Variants in PDK1 observed in about 807,000 individuals in gnomAD.
PDK1 encodes pyruvate dehydrogenase kinase 1, also known as [Pyruvate dehydrogenase (acetyl-transferring)] kinase isozyme 1, mitochondrial.
In PDK1, 39 loss-of-function variants were observed where a neutral mutation model predicts 54.2. The observed-to-expected ratio is 0.72, with a 90% CI of 0.56 to 0.94. PDK1 has a LOEUF of 0.94. PDK1 is among the 40% of genes least tolerant of loss of function. The probability of loss-of-function intolerance (pLI) is 0.00; values close to 1 mark genes in which losing one functional copy is unlikely to be tolerated. For synonymous variants in PDK1, 221 were observed against 207.1 expected (o/e 1.07, Z -0.58); for missense variants, 552 against 566.0 (o/e 0.98, Z 0.25).
the PDK1 span, among the ~76,000 whole-genome samples, chr2:172,710,566 T>G: frequency 2.6e-5 from 4 of 152,260 alleles, no homozygotes; most frequent in East Asian, 1.9e-4. Context: ...TTATGAAGAT[T>G]GCTTTGCATG....
intron 8 of PDK1, among the ~76,000 whole-genome samples, chr2:172,580,327 CAAGAA>C (rs1689835890): frequency 6.7e-6 from 1 of 150,150 alleles, no homozygotes; most frequent in Non-Finnish European, 1.5e-5. Context: ...GGTTTACAGT[CAAGAA>C]AAGACCCATT....
the PDK1 span, among the ~76,000 whole-genome samples, chr2:172,618,905 G>C: frequency 6.6e-6 from 1 of 152,152 alleles, no homozygotes; most frequent in Admixed American, 6.6e-5. Flanking sequence ...GCATCAGTGA[G>C]TACTGGGAAG....
chr2:172,679,262 A>G, the PDK1 span, among the ~76,000 whole-genome samples: 1 of 152,190 alleles, frequency 6.6e-6, no homozygotes, highest in Non-Finnish European at 1.5e-5. Context: ...CCTGGGCAAC[A>G]TAGTGAGACC....
At chr2:172,612,320 A>G (rs1232684238), downstream of PDK1, among the ~76,000 whole-genome samples, 1 of 152,260 alleles carries the variant, frequency 6.6e-6, no homozygotes, top group East Asian at 1.9e-4. Flanking sequence ...CTGAGTTAAT[A>G]TTGTTTAGAC....
At chr2:172,561,119 G>A (rs1413135830) in intron 2 of PDK1, among the ~76,000 whole-genome samples, 2 of 152,132 alleles carry the variant, frequency 1.3e-5, no homozygotes, top group African/African-American at 4.8e-5. Context: ...ATTATGATGG[G>A]ATATAATGGA....
the PDK1 span, among the ~76,000 whole-genome samples, chr2:172,637,244 G>A: frequency 1.3e-5 from 2 of 152,140 alleles, no homozygotes; most frequent in Admixed American, 6.5e-5. Flanking sequence ...GCTCCCTGAC[G>A]CTGGCAGTTT....
At chr2:172,690,616 G>C in the PDK1 span, among the ~76,000 whole-genome samples, 1 of 150,124 alleles carries the variant, frequency 6.7e-6, no homozygotes, top group East Asian at 2.1e-4. Context: ...GTCCATCAAT[G>C]ATAGACTGGA....
At chr2:172,717,031 A>C in the PDK1 span, among the ~76,000 whole-genome samples, 1 of 152,228 alleles carries the variant, frequency 6.6e-6, no homozygotes, top group African/African-American at 2.4e-5. Context: ...ACAGCCTCCA[A>C]GATGGCACCC....
the PDK1 span, among the ~76,000 whole-genome samples, chr2:172,671,909 A>C: frequency 3.9e-5 from 6 of 152,308 alleles, no homozygotes; most frequent in Non-Finnish European, 8.8e-5. Context: ...AAAAATTTGG[A>C]GAAAGATGAA....
intron 8 of PDK1, among the ~76,000 whole-genome samples, chr2:172,571,823 CTT>C (rs36031428): frequency 4.2e-3 from 420 of 99,612 alleles, no homozygotes; most frequent in African/African-American, 0.016. Context: ...TCTTTCTTTA[CTT>C]TTTTTTTTTT....
At chr2:172,713,181 G>T in the PDK1 span, among the ~76,000 whole-genome samples, 3 of 152,346 alleles carry the variant, frequency 2.0e-5, no homozygotes, top group African/African-American at 7.2e-5. Context: ...GGGTAGCTCC[G>T]CTCTGCAGGG....
chr2:172,595,975 C>T lies in PDK1; in HGVS notation c.*6C>T, dbSNP rs756687356. On this transcript the variant is annotated 3_prime_UTR_variant, in exon 11 of 11. Coordinates refer to ENST00000282077, the MANE Select transcript of PDK1 (RefSeq NM_002610.5). ...CGACGTTCCGCAGTGCCTAGACACA[C>T]TTGGGACATCGGAAAATCCAAATGT... is the stretch of plus-strand genomic sequence containing the variant. 6.2e-7 allele frequency: 1 copy of T among 1,602,912 alleles called. No homozygotes were observed. Among genetic ancestry groups the T allele is most frequent in the Non-Finnish European group, 8.5e-7 (1 of 1,173,184 alleles).
chr2:172,655,118 C>T, the PDK1 span, among the ~76,000 whole-genome samples: 3 of 152,282 alleles, frequency 2.0e-5, no homozygotes, highest in South Asian at 6.2e-4. Context: ...TTGGAGCTCC[C>T]CCGCTATCCA....
In PDK1 at chr2:172,607,377, T is replaced by C. The variant is rs983897723; in HGVS notation, c.*11408T>C. The C allele has an allele frequency of 2.0e-5, 3 of 152,236 alleles. No homozygotes were observed. The highest frequency in any genetic ancestry group is 7.2e-5 in the African/African-American group (3 of 41,472). The allele number at this position is 152,236 out of a possible 1,614,324, so 9.4% of individuals were successfully genotyped here. A position where few individuals can be genotyped will look rare whatever the true frequency, so the allele number is the denominator to read the frequency against. ...AAAATATAATTGGCTAAGTTTCATA[T>C]ACAGTTCTTTCTAAAACTCCTTCTG... is the stretch of plus-strand genomic sequence containing the variant. On this transcript the variant is annotated 3_prime_UTR_variant, in exon 11 of 11. Transcript: ENST00000282077.
chr2:172,695,542 T>C, the PDK1 span, among the ~76,000 whole-genome samples: 4 of 152,166 alleles, frequency 2.6e-5, no homozygotes, highest in African/African-American at 9.7e-5. Context: ...CAAACCTTTA[T>C]GTAAGCCCCT....
At chr2:172,572,271 T>G (rs979967583) in intron 8 of PDK1, among the ~76,000 whole-genome samples, 1 of 152,202 alleles carries the variant, frequency 6.6e-6, no homozygotes, top group Non-Finnish European at 1.5e-5. Context: ...AATATTTAAG[T>G]TTGTATATGA....
chr2:172,587,659 T>C (rs925834784), intron 9 of PDK1, among the ~76,000 whole-genome samples: 5 of 149,588 alleles, frequency 3.3e-5, no homozygotes, highest in Non-Finnish European at 6.0e-5. Context: ...TTGCCGCTGC[T>C]GGCTGTGGGG....
the PDK1 span, among the ~76,000 whole-genome samples, chr2:172,662,005 A>G: frequency 6.6e-6 from 1 of 152,248 alleles, no homozygotes; most frequent in African/African-American, 2.4e-5. Context: ...ATGTTAATGC[A>G]GATTATACAT....
At chr2:172,661,106 T>A in the PDK1 span, among the ~76,000 whole-genome samples, 2 of 152,196 alleles carry the variant, frequency 1.3e-5, no homozygotes, top group Non-Finnish European at 2.9e-5. Context: ...TGACATTTCA[T>A]CAGGAATGTT....
Sources: allele counts gnomAD v4.1 joint callset (sites outside exome capture counted in the v4.1 genomes callset), GRCh38; gene constraint gnomAD v4.1.1; transcripts MANE v1.5; gene names NCBI Gene and HGNC (gene_info 2026-07-23, HGNC 2026-07-21).